GPR84: variants seen among roughly 807,000 people sequenced by gnomAD.
The protein encoded by GPR84 is G protein-coupled receptor 84, also known as G-protein coupled receptor 84.
Under a neutral mutation model 14.9 loss-of-function variants are expected in GPR84, and 8 were observed. The ratio of observed to expected loss-of-function variants is 0.54; its 90% CI spans 0.31 to 0.97. The LOEUF (loss-of-function observed/expected upper bound fraction) is 0.97, where lower values mean the gene tolerates loss of function less well. Among genes scored for constraint, GPR84 ranks in the 50% least tolerant of loss-of-function variants. The pLI is 0.04. For synonymous variants in GPR84, 164 were observed against 198.1 expected (o/e 0.83, Z 1.45); for missense variants, 424 against 498.7 (o/e 0.85, Z 1.43).
At chr12:54,357,305 A>T in the GPR84 span, among the ~76,000 whole-genome samples, 2 of 152,322 alleles carry the variant, frequency 1.3e-5, no homozygotes, top group African/African-American at 2.4e-5. Context: ...TGCTAAGGCC[A>T]TAGCGGTTGG....
the GPR84 span, among the ~76,000 whole-genome samples, chr12:54,354,107 TTC>T: frequency 1.3e-5 from 2 of 151,698 alleles, no homozygotes; most frequent in Non-Finnish European, 2.9e-5. Flanking sequence ...GTCTTTTCTT[TTC>T]TCTTTTCTTT....
rs146493691 is a variant in GPR84, at chr12:54,363,365, G to T, written c.487C>A (p.Pro163Thr). ...APLWPIYILV[P>T]VVCTCSFDRI... Reference sequence around the variant, plus strand: ...TCAAAGCTGCAGGTGCAGACTACAGGTACCAGGATATAAATAGGCCAGAGG... The same window carrying T: ...TCAAAGCTGCAGGTGCAGACTACAGTTACCAGGATATAAATAGGCCAGAGG... Residue 163 changes from proline to threonine, a missense_variant, in exon 2 of 2, where the codon CCT becomes ACT. Physicochemically the swap from Pro to Thr is conservative, Grantham distance 38. Transcript: ENST00000267015. 241 of 1,614,142 alleles carry T rather than the reference G, an allele frequency of 1.5e-4. 1 individual carries two copies. In the East Asian group the frequency reaches 3.3e-3, roughly 22 times the overall value.
downstream of GPR84, among the ~76,000 whole-genome samples, chr12:54,358,287 G>A (rs1954229585): frequency 6.6e-6 from 1 of 152,102 alleles, no homozygotes; most frequent in Non-Finnish European, 1.5e-5. Context: ...TGGGGGAGGC[G>A]CCTGACTCGT....
downstream of GPR84, among the ~76,000 whole-genome samples, chr12:54,358,311 G>C (rs923062469): frequency 6.6e-6 from 1 of 152,152 alleles, no homozygotes; most frequent in Non-Finnish European, 1.5e-5. Context: ...TCCCCTTGCA[G>C]ACGCCAATGG....
chr12:54,360,331 A>T (rs776102796), downstream of GPR84, among the ~76,000 whole-genome samples: 5 of 150,032 alleles, frequency 3.3e-5, no homozygotes, highest in Admixed American at 6.7e-5. Context: ...ATATATGTAC[A>T]GGGAACTGCA....
Position 54,363,109 on chromosome 12 carries a change from C to G in GPR84, c.743G>C (p.Gly248Ala), listed in dbSNP as rs150967547. The G allele has an allele frequency of 1.2e-6, 2 of 1,614,192 alleles. No homozygotes were observed. The change falls in exon 2 of 2, where the codon GGA becomes GCA. Residue 248 changes from glycine to alanine, a missense_variant. By Grantham distance (60) the Gly-to-Ala change is moderately conservative. Transcript: ENST00000267015. ...FQELDSRLAS[G>A]GPSEGISSEP... is the part of the protein sequence containing the mutation. ...AGATGAAATCCCCTCACTGGGTCCT[C>G]CTGATGCTAACCTGCTGTCCAGCTC...
downstream of GPR84, among the ~76,000 whole-genome samples, chr12:54,358,005 G>A (rs1592216888): frequency 6.6e-6 from 1 of 152,106 alleles, no homozygotes; most frequent in Non-Finnish European, 1.5e-5. Flanking sequence ...CCTCACCTCC[G>A]TCTGTGCTTC....
downstream of GPR84, among the ~76,000 whole-genome samples, chr12:54,359,520 G>A (rs1010554001): frequency 1.3e-5 from 2 of 152,138 alleles, no homozygotes; most frequent in Middle Eastern, 3.2e-3. Flanking sequence ...GCCTACAGGA[G>A]AGACGGACAG....
In GPR84 at chr12:54,362,563, A is replaced by G; in HGVS notation, c.*98T>C. The G allele has an allele frequency of 1.3e-6, 1 of 756,116 alleles. No individual in the cohort carries two copies. The highest frequency in any genetic ancestry group is 3.9e-4 in the Middle Eastern group (1 of 2,552). The allele number at this position is 756,116 out of a possible 1,614,324, so 46.8% of individuals were successfully genotyped here. ...GGGAGGCTGGGGAGAGATTGTTGTG[A>G]AAATGCCCACATGTGTTATTTCACC... On this transcript the variant is annotated 3_prime_UTR_variant, in exon 2 of 2. Coordinates refer to ENST00000267015, the MANE Select transcript of GPR84 (RefSeq NM_020370.3). The surrounding 1 kb of genome is among the most constrained non-coding windows in gnomAD (Gnocchi z 4.0).
downstream of GPR84, among the ~76,000 whole-genome samples, chr12:54,360,675 A>G (rs1421225650): frequency 6.6e-6 from 1 of 152,030 alleles, no homozygotes; most frequent in Non-Finnish European, 1.5e-5. Context: ...GTCCACCCCA[A>G]CTGTGGTTCT....
At chr12:54,359,705 A>G (rs1178502049), downstream of GPR84, among the ~76,000 whole-genome samples, 1 of 152,212 alleles carries the variant, frequency 6.6e-6, no homozygotes, top group Admixed American at 6.5e-5. Flanking sequence ...CGCATGAGCA[A>G]CGCACCACGA....
chr12:54,353,475 T>C, the GPR84 span, among the ~76,000 whole-genome samples: 1 of 118,374 alleles, frequency 8.4e-6, no homozygotes, highest in Admixed American at 1.1e-4. Flanking sequence ...CCTACCCCAC[T>C]GAGCTCAGGC....
chr12:54,361,962 A>G (rs1954273479), downstream of GPR84, among the ~76,000 whole-genome samples: 1 of 152,202 alleles, frequency 6.6e-6, no homozygotes, highest in Non-Finnish European at 1.5e-5. The surrounding 1 kb of genome is among the most constrained non-coding windows in gnomAD (Gnocchi z 4.3). Context: ...TCTACAGACC[A>G]AGGAGTCCTC....
downstream of GPR84, among the ~76,000 whole-genome samples, chr12:54,361,720 C>T (rs919876342): frequency 6.6e-6 from 1 of 152,186 alleles, no homozygotes; most frequent in Non-Finnish European, 1.5e-5. The surrounding 1 kb of genome is among the most constrained non-coding windows in gnomAD (Gnocchi z 4.3). Context: ...GTTGGCCAGG[C>T]TGGTCTTGAA....
At chr12:54,352,534 G>C in the GPR84 span, among the ~76,000 whole-genome samples, 1 of 152,088 alleles carries the variant, frequency 6.6e-6, no homozygotes, top group Non-Finnish European at 1.5e-5. Flanking sequence ...AGTGTGGGGA[G>C]CCTCTTCTCC....
At position 54,363,555 on chromosome 12, in the gene GPR84, G is replaced by A; in HGVS notation, c.297C>T (p.Leu99=). Residue 99 remains leucine (L), a synonymous_variant, in exon 2 of 2, where the codon CTC becomes CTT. Transcript: ENST00000267015. The part of the protein sequence containing the change: ...GATFCRVFGL[L]LFASNSVSIL... ...TGGAGACAGAATTGGAGGCAAAAAG[G>A]AGGAGCCCAAATACCCTGCAGAAGG... The A allele has an allele frequency of 6.2e-7, 1 of 1,614,132 alleles. No individual in the cohort carries two copies. The highest frequency in any genetic ancestry group is 8.5e-7 in the Non-Finnish European group (1 of 1,179,996).
downstream of GPR84, among the ~76,000 whole-genome samples, chr12:54,358,207 T>C (rs567936449): frequency 6.6e-6 from 1 of 152,076 alleles, no homozygotes; most frequent in East Asian, 1.9e-4. Context: ...ACTGGGGAGG[T>C]GGGCAAGGGG....
chr12:54,358,909 T>G (rs560618726), downstream of GPR84, among the ~76,000 whole-genome samples: 1 of 152,100 alleles, frequency 6.6e-6, no homozygotes, highest in Admixed American at 6.5e-5. Context: ...TCTCCTCTGC[T>G]CTCCCTGTCG....
At chr12:54,354,851 C>T in the GPR84 span, among the ~76,000 whole-genome samples, 1 of 152,242 alleles carries the variant, frequency 6.6e-6, no homozygotes. Context: ...CGTGCCATAT[C>T]ATAACCCAGT....
Sources: gnomAD v4.1 joint callset for allele counts (sites outside exome capture counted in the v4.1 genomes callset) on GRCh38, gnomAD v4.1.1 for gene constraint, Gnocchi (gnomAD v3.1) non-coding constraint, MANE v1.5 for transcripts, NCBI Gene and HGNC (gene_info 2026-07-23, HGNC 2026-07-21) for gene names.